The following TPST1 variants were observed in gnomAD, a reference collection of about 807,000 sequenced individuals.
TPST1 encodes the protein tyrosylprotein sulfotransferase 1.
Under a neutral mutation model 34.8 loss-of-function variants are expected in TPST1, and 20 were observed. That is an observed-to-expected ratio of 0.57 (90% CI 0.40 to 0.84). TPST1 has a LOEUF of 0.84. Among genes scored for constraint, TPST1 ranks in the 40% least tolerant of loss-of-function variants. The pLI, the probability that TPST1 is intolerant of heterozygous loss-of-function variation, is 0.00. For missense variants in TPST1, 353 were observed against 455.5 expected, an observed-to-expected ratio of 0.78 and a Z score of 2.05; for synonymous variants, 152 against 159.4, an observed-to-expected ratio of 0.95 and a Z score of 0.35.
At chr7:66,326,075 T>C (rs1282052627) in intron 3 of TPST1, among the ~76,000 whole-genome samples, 1 of 152,240 alleles carries the variant, frequency 6.6e-6, no homozygotes, top group African/African-American at 2.4e-5. Flanking sequence ...ACTTTTTCTG[T>C]CTTTTTATGT....
rs749164798 is a variant in TPST1, at chr7:66,241,207, G to T, written c.782G>T (p.Trp261Leu). The change falls in exon 2 of 6, where the codon TGG (tryptophan) becomes TTG (leucine). Residue 261 changes from tryptophan to leucine, a missense_variant. Coordinates refer to ENST00000304842, the MANE Select transcript of TPST1 (RefSeq NM_003596.4). ...CTCTTAAAGTTCCTCCAGATTCCAT[G>T]GAACCACTCAGTATTGCACCATGAA... ...RTLLKFLQIP[W>L]NHSVLHHEEM... The T allele has an allele frequency of 6.2e-7, 1 of 1,614,160 alleles. No individual in the cohort carries two copies. The highest frequency in any genetic ancestry group is 8.5e-7 in the Non-Finnish European group (1 of 1,180,026).
intron 1 of TPST1, among the ~76,000 whole-genome samples, chr7:66,220,631 A>G (rs1358226524): frequency 1.8e-5 from 2 of 111,022 alleles, no homozygotes; most frequent in African/African-American, 3.5e-5. Context: ...CAAGGAAGGG[A>G]TGCTTCAGGT....
At chr7:66,223,415 T>C (rs1262544588) in intron 1 of TPST1, among the ~76,000 whole-genome samples, 1 of 141,260 alleles carries the variant, frequency 7.1e-6, no homozygotes, top group African/African-American at 2.7e-5. Context: ...GTGAGCTATA[T>C]GCCATTGCAC....
At chr7:66,266,300 T>C (rs561410007) in intron 2 of TPST1, among the ~76,000 whole-genome samples, 2 of 151,288 alleles carry the variant, frequency 1.3e-5, no homozygotes, top group South Asian at 4.2e-4. Context: ...AAAGTAGGCT[T>C]AGTATTATTA....
At chr7:66,249,375 A>G (rs555997863) in intron 2 of TPST1, among the ~76,000 whole-genome samples, 12 of 152,320 alleles carry the variant, frequency 7.9e-5, no homozygotes, top group African/African-American at 2.9e-4. Flanking sequence ...GTACCCATCC[A>G]GATATTATAC....
chr7:66,307,265 C>G (rs972657612), intron 3 of TPST1, among the ~76,000 whole-genome samples: 4 of 151,890 alleles, frequency 2.6e-5, no homozygotes, highest in African/African-American at 7.3e-5. Flanking sequence ...CTACAGGCGT[C>G]TGCCACCACG....
chr7:66,201,720 G>GC (rs895346430), upstream of TPST1, among the ~76,000 whole-genome samples: 8 of 151,862 alleles, frequency 5.3e-5, no homozygotes, highest in African/African-American at 1.9e-4. Context: ...GGAGTGGGTG[G>GC]CGTGCACCCG....
intron 1 of TPST1, among the ~76,000 whole-genome samples, chr7:66,218,274 A>G (rs1789466883): frequency 6.6e-6 from 1 of 152,138 alleles, no homozygotes; most frequent in South Asian, 2.1e-4. Context: ...GTCTTTGTTC[A>G]TGCCTTTTGT....
intron 1 of TPST1, among the ~76,000 whole-genome samples, chr7:66,227,840 C>T (rs1194945060): frequency 6.6e-6 from 1 of 151,912 alleles, no homozygotes; most frequent in Admixed American, 6.6e-5. Context: ...CTAACAATTC[C>T]TCTTCTAAAA....
At chr7:66,313,153 T>C (rs539400539) in intron 3 of TPST1, among the ~76,000 whole-genome samples, 4 of 151,956 alleles carry the variant, frequency 2.6e-5, no homozygotes, top group African/African-American at 4.8e-5. Context: ...CGGTGGCTCA[T>C]GCCTGTAATC....
At chr7:66,357,162 C>T (rs140302299) in intron 5 of TPST1, among the ~76,000 whole-genome samples, 2,890 of 152,284 alleles carry the variant, frequency 0.019, 49 homozygotes, top group Non-Finnish European at 0.027. Flanking sequence ...TCATTATGAA[C>T]CATGAAATAT....
At chr7:66,356,354 C>G (rs1047182624) in intron 4 of TPST1, among the ~76,000 whole-genome samples, 2 of 152,174 alleles carry the variant, frequency 1.3e-5, no homozygotes. Context: ...CATGTGTTCA[C>G]CAACCGGGAA....
chr7:66,203,330 C>T (rs1425104466), upstream of TPST1, among the ~76,000 whole-genome samples: 1 of 151,854 alleles, frequency 6.6e-6, no homozygotes, highest in South Asian at 2.1e-4. Flanking sequence ...GCCTAGAACT[C>T]CTGGGCTCAC....
chr7:66,264,203 T>C (rs1164948682), intron 2 of TPST1, among the ~76,000 whole-genome samples: 2 of 152,198 alleles, frequency 1.3e-5, no homozygotes, highest in African/African-American at 4.8e-5. Context: ...AATAATTTAG[T>C]CATTGCTTCC....
intron 2 of TPST1, among the ~76,000 whole-genome samples, chr7:66,278,220 G>A (rs1790859173): frequency 6.6e-6 from 1 of 151,592 alleles, no homozygotes; most frequent in African/African-American, 2.4e-5. Context: ...ATATTTTGAG[G>A]TATAGTTGAT....
intron 4 of TPST1, among the ~76,000 whole-genome samples, chr7:66,354,784 C>T (rs528895380): frequency 5.5e-4 from 84 of 151,746 alleles, no homozygotes; most frequent in African/African-American, 1.9e-3. Context: ...TGCTTGAGTC[C>T]AGGCATTCAA....
At chr7:66,286,378 T>G in intron 2 of TPST1, 133 bp from the exon 3 acceptor site, 1 of 621,002 alleles carries the variant, frequency 1.6e-6, no homozygotes, top group Non-Finnish European at 2.4e-6. Context: ...TCAAACCTGA[T>G]TAGTGCCCTC....
At chr7:66,310,154 T>C (rs1791503323) in intron 3 of TPST1, among the ~76,000 whole-genome samples, 1 of 152,226 alleles carries the variant, frequency 6.6e-6, no homozygotes, top group African/African-American at 2.4e-5. Context: ...TGTTAGACTC[T>C]CAGTTAATCA....
rs527463876 is a variant in TPST1, at chr7:66,300,068, T to TA, written c.1044+13369dup. On this transcript the variant is annotated intron_variant, in intron 3 of 5. Coordinates refer to ENST00000304842, the MANE Select transcript of TPST1 (RefSeq NM_003596.4). ...GCCTTAATTTAAAATACTTTATTGC[T>TA]AAAAAAAAAATGCTAGCAATCATCC... 5.7e-4 allele frequency among the ~76,000 whole-genome samples: 85 copies of TA among 149,238 alleles called. 1 individual carries two copies. The highest frequency in any genetic ancestry group is 1.6e-3 in the East Asian group (8 of 5,112).
Sources: gnomAD v4.1 joint callset for allele counts (sites outside exome capture counted in the v4.1 genomes callset) on GRCh38, gnomAD v4.1.1 for gene constraint, MANE v1.5 for transcripts, NCBI Gene and HGNC (gene_info 2026-07-23, HGNC 2026-07-21) for gene names.